The following HSPA14 variants were observed in gnomAD, a reference collection of about 807,000 sequenced individuals.
HSPA14 encodes the protein heat shock 70 kDa protein 14.
In HSPA14, 37 loss-of-function variants were observed where a neutral mutation model predicts 65.5. The ratio of observed to expected loss-of-function variants is 0.56; its 90% confidence interval spans 0.43 to 0.74. The LOEUF is 0.74. HSPA14 is among the 30% of genes least tolerant of loss of function. HSPA14 has a pLI of 0.00. For synonymous variants in HSPA14, 203 were observed against 214.2 expected (o/e 0.95, Z 0.46); for missense variants, 564 against 607.6 (o/e 0.93, Z 0.75).
intron 6 of HSPA14, 61 bp downstream of exon 6, chr10:14,849,872 T>TA: frequency 1.0e-6 from 1 of 987,994 alleles, no homozygotes; most frequent in Non-Finnish European, 1.6e-6. Context: ...CACTATATAG[T>TA]AAAAGGTAAC....
At position 14,846,975 on chromosome 10, in the gene HSPA14, C is replaced by T. The variant is rs953993517; in HGVS notation, c.222-1634C>T. 4 of 985,230 alleles carry T rather than the reference C, an allele frequency of 4.1e-6. No homozygotes were observed. In the African/African-American group the frequency reaches 5.2e-5, roughly 13 times the overall value. The allele number at this position is 985,230 out of a possible 1,614,324, so 61.0% of individuals were successfully genotyped here. A position where few individuals can be genotyped will look rare whatever the true frequency, so the allele number is the denominator to read the frequency against. On this transcript the variant is annotated intron_variant, in intron 3 of 13. Coordinates refer to ENST00000378372, the MANE Select transcript of HSPA14 (RefSeq NM_016299.4). ...TTCTGTTCGGTAATCCTGGTGTGGACAAATAAAGTTTTCACTTGTATGTAG... is the reference window on the plus strand; with the variant it reads ...TTCTGTTCGGTAATCCTGGTGTGGATAAATAAAGTTTTCACTTGTATGTAG...
Position 14,867,783 on chromosome 10 carries a change from A to G in HSPA14, c.1254A>G (p.Ser418=), listed in dbSNP as rs769801851. ...GASRFTVLFP[S]GTPLPARRQH... ...GTAGATTCACAGTGCTGTTTCCATC[A>G]GGGACTCCTTTGCCAGCTCGAAGAC... Residue 418 remains serine, a synonymous_variant, in exon 12 of 14, where the codon TCA becomes TCG. Coordinates refer to ENST00000378372, the MANE Select transcript of HSPA14 (RefSeq NM_016299.4). 8 of 1,614,170 alleles carry G rather than the reference A, an allele frequency of 5.0e-6. No homozygotes were observed. The South Asian group carries it at 6.6e-5, about 13-fold the overall frequency.
intron 10 of HSPA14, among the ~76,000 whole-genome samples, chr10:14,858,070 A>G (rs1321268843): frequency 1.3e-5 from 2 of 152,138 alleles, no homozygotes; most frequent in African/African-American, 4.8e-5. Context: ...CATGGTTCTA[A>G]TAGTTCTAGA....
At chr10:14,869,784 C>T (rs1832838969) in intron 12 of HSPA14, among the ~76,000 whole-genome samples, 1 of 152,164 alleles carries the variant, frequency 6.6e-6, no homozygotes, top group South Asian at 2.1e-4. Flanking sequence ...GATGGCAGTC[C>T]TAGTATTTCC....
intron 7 of HSPA14, among the ~76,000 whole-genome samples, chr10:14,851,806 T>G (rs1033217829): frequency 1.3e-5 from 2 of 152,246 alleles, no homozygotes; most frequent in Non-Finnish European, 2.9e-5. Context: ...CGTTCAACTT[T>G]AGAGAAGTTA....
chr10:14,856,768 A>G (rs1303231456), intron 10 of HSPA14, among the ~76,000 whole-genome samples: 1 of 152,080 alleles, frequency 6.6e-6, no homozygotes. Context: ...CTGAGGTGAG[A>G]AGATCACTTG....
intron 3 of HSPA14, among the ~76,000 whole-genome samples, chr10:14,847,754 A>C (rs1195413307): frequency 1.3e-5 from 2 of 152,238 alleles, no homozygotes; most frequent in African/African-American, 4.8e-5. Context: ...CCTTGGAAGA[A>C]GGGTTTAATG....
At chr10:14,844,262 G>C in intron 3 of HSPA14, 2 of 1,081,070 alleles carry the variant, frequency 1.9e-6, no homozygotes, top group Non-Finnish European at 2.3e-6. Context: ...TGAGGATCAC[G>C]TAGTTCATAG....
intron 13 of HSPA14, 106 bp downstream of exon 13, chr10:14,870,773 A>G (rs1832847269): frequency 9.1e-7 from 1 of 1,095,348 alleles, no homozygotes; most frequent in Non-Finnish European, 1.2e-6. Context: ...AAACATTAAA[A>G]ACCTACAGAG....
chr10:14,861,885 G>A (rs548218970), intron 10 of HSPA14, among the ~76,000 whole-genome samples: 6 of 151,694 alleles, frequency 4.0e-5, no homozygotes, highest in Admixed American at 1.3e-4. Context: ...GATGGTGCGC[G>A]CCTGTAGTCC....
intron 1 of HSPA14, among the ~76,000 whole-genome samples, chr10:14,839,076 C>G (rs1833934316): frequency 6.6e-6 from 1 of 152,196 alleles, no homozygotes; most frequent in South Asian, 2.1e-4. Context: ...AGCTGCCTGG[C>G]TGTGAAGCCA....
rs768016540 is a variant in HSPA14, at chr10:14,848,790, G to A, written c.271G>A (p.Val91Ile). 2 of 1,516,256 alleles carry A rather than the reference G, an allele frequency of 1.3e-6. No individual in the cohort carries two copies. Among genetic ancestry groups the A allele is most frequent in the Admixed American group, 3.6e-5 (2 of 54,820 alleles). The allele number at this position is 1,516,256 out of a possible 1,614,324, so 93.9% of individuals were successfully genotyped here. The change falls in exon 5 of 14, where the codon GTC becomes ATC. Residue 91 changes from valine (V) to isoleucine (I), a missense_variant and splice_region_variant. Transcript: ENST00000378372. ...AGCATAATTGTAATTTATTTTATAG[G>A]TCATTGAAAAAAATGGGAAATTACG... Reference protein sequence around the residue: ...QKYIAESKCLVIEKNGKLRYE... With the variant: ...QKYIAESKCLIIEKNGKLRYE...
Position 14,855,934 on chromosome 10 carries a change from T to TC in HSPA14, c.984_985insC (p.Ile329HisfsTer21). 6.4e-7 allele frequency: 1 copy of TC among 1,554,066 alleles called. No individual in the cohort carries two copies. The highest frequency in any genetic ancestry group is 8.9e-7 in the Non-Finnish European group (1 of 1,126,020). On this transcript the variant is annotated frameshift_variant, in exon 10 of 14. Transcript: ENST00000378372. LOFTEE classifies it high-confidence loss of function. Reference sequence around the variant, plus strand: ...ATCAAAATGGATTTACAGCAGATGATATCAACAAGGTAATGCTTTTACATT... The same window carrying TC: ...ATCAAAATGGATTTACAGCAGATGATCATCAACAAGGTAATGCTTTTACATT...
At chr10:14,839,819 C>A in intron 1 of HSPA14, 86 bp from the exon 2 acceptor site, 1 of 916,318 alleles carries the variant, frequency 1.1e-6, no homozygotes, top group Non-Finnish European at 1.7e-6. Flanking sequence ...TTTCTTTCCA[C>A]ACAGATGGCA....
intron 3 of HSPA14, chr10:14,845,226 T>C (rs949904877): frequency 9.1e-6 from 9 of 984,692 alleles, no homozygotes; most frequent in African/African-American, 1.7e-5. Context: ...TTAAAGCTTT[T>C]AGTGATTTAC....
intron 2 of HSPA14, 21 bp downstream of exon 2, chr10:14,840,006 G>T (rs1488052496): frequency 6.4e-7 from 1 of 1,570,796 alleles, no homozygotes; most frequent in South Asian, 1.1e-5. Flanking sequence ...CCCCATTTTT[G>T]TACTTCTGAA....
At chr10:14,855,780 C>A in intron 9 of HSPA14, 61 bp from the exon 10 acceptor site, 1 of 846,592 alleles carries the variant, frequency 1.2e-6, no homozygotes, top group South Asian at 1.5e-5. Context: ...TACTGAGCCC[C>A]GTTTTATCTT....
At chr10:14,858,749 A>G (rs1190910763) in intron 10 of HSPA14, among the ~76,000 whole-genome samples, 1 of 152,212 alleles carries the variant, frequency 6.6e-6, no homozygotes, top group Non-Finnish European at 1.5e-5. Context: ...AGGGATTTAC[A>G]TGTATTAAAA....
At position 14,867,263 on chromosome 10, in the gene HSPA14, A is replaced by G; in HGVS notation, c.1174A>G (p.Ile392Val). The G allele has an allele frequency of 2.5e-6, 4 of 1,613,670 alleles. No homozygotes were observed. The highest frequency in any genetic ancestry group is 3.4e-6 in the Non-Finnish European group (4 of 1,179,662). Residue 392 changes from isoleucine (I) to valine (V), a missense_variant, in exon 11 of 14, where the codon ATA (isoleucine) becomes GTA (valine). Transcript: ENST00000378372. ...ENLLVEDSLM[I>V]ECSARDILVK... ...CCTGTTGGTGGAAGACTCTCTTATG[A>G]TAGAGTGTTCAGCCAGAGATATTTT...
Sources: allele counts gnomAD v4.1 joint callset (sites outside exome capture counted in the v4.1 genomes callset), GRCh38; gene constraint gnomAD v4.1.1; transcripts MANE v1.5; gene names NCBI Gene and HGNC (gene_info 2026-07-23, HGNC 2026-07-21).